The following PPP2R2B variants were observed in gnomAD, a reference collection of about 807,000 sequenced individuals.
The protein encoded by PPP2R2B is serine/threonine-protein phosphatase 2A 55 kDa regulatory subunit B beta isoform.
Under a neutral mutation model 46.0 loss-of-function variants are expected in PPP2R2B, and 5 were observed. That is an observed-to-expected ratio of 0.11 (90% confidence interval 0.06 to 0.23). The LOEUF (loss-of-function observed/expected upper bound fraction) is 0.23. Among genes scored for constraint, PPP2R2B ranks in the 10% least tolerant of loss-of-function variants. The pLI is 1.00. For synonymous variants in PPP2R2B, 215 were observed against 206.7 expected, an observed-to-expected ratio of 1.04 and a Z score of -0.34; for missense variants, 367 against 575.0, an observed-to-expected ratio of 0.64 and a Z score of 3.70.
At chr5:147,018,794 G>A (rs1755126162) in intron 1 of PPP2R2B, among the ~76,000 whole-genome samples, 1 of 152,108 alleles carries the variant, frequency 6.6e-6, no homozygotes. Context: ...AATATTTAGT[G>A]ATGTCCTCCT....
intron 1 of PPP2R2B, among the ~76,000 whole-genome samples, chr5:146,965,896 C>T (rs1752379543): frequency 2.0e-5 from 3 of 152,210 alleles, no homozygotes; most frequent in South Asian, 4.1e-4. Context: ...CTCGCTGATC[C>T]TCAGATCCTT....
intron 8 of PPP2R2B, among the ~76,000 whole-genome samples, chr5:146,593,413 A>G (rs908189917): frequency 1.3e-5 from 2 of 152,240 alleles, no homozygotes; most frequent in Non-Finnish European, 2.9e-5. Context: ...CTGAATACCT[A>G]CTACGCACTT....
rs1045637685 is a variant in PPP2R2B, at chr5:146,829,208, A to G, written c.70+48794T>C. Reference sequence around the variant, plus strand: ...TTAATGAATGATTCTTATGGGCCAAAGAACACCAACTCTTGTTTTTTAAAA... The same window carrying G: ...TTAATGAATGATTCTTATGGGCCAAGGAACACCAACTCTTGTTTTTTAAAA... On this transcript the variant is annotated intron_variant, in intron 2 of 9. Coordinates refer to ENST00000394411, the MANE Select transcript of PPP2R2B (RefSeq NM_181675.4). Among the ~76,000 whole-genome samples, 4 of 152,340 alleles carry G rather than the reference A, an allele frequency of 2.6e-5. No homozygotes were observed. In the East Asian group the frequency reaches 7.7e-4, roughly 29 times the overall value.
chr5:147,080,976 A>G, intron 2 of PPP2R2B: 1 of 1,326,228 alleles, frequency 7.5e-7, no homozygotes, highest in African/African-American at 1.5e-5. Flanking sequence ...TAGATTCATG[A>G]AAGTAAAGAT....
At chr5:146,850,614 A>C (rs900670760) in intron 2 of PPP2R2B, among the ~76,000 whole-genome samples, 1 of 152,052 alleles carries the variant, frequency 6.6e-6, no homozygotes, top group African/African-American at 2.4e-5. Context: ...CAACAGAGCT[A>C]ACTCTTATTA....
At chr5:146,608,377 A>G (rs1260501447) in intron 7 of PPP2R2B, among the ~76,000 whole-genome samples, 1 of 152,246 alleles carries the variant, frequency 6.6e-6, no homozygotes, top group Non-Finnish European at 1.5e-5. Context: ...GGGCTTCATC[A>G]TCTCCAGGTT....
At chr5:146,703,581 T>G (rs1423089433) in intron 2 of PPP2R2B, among the ~76,000 whole-genome samples, 1 of 152,170 alleles carries the variant, frequency 6.6e-6, no homozygotes, top group Admixed American at 6.5e-5. Flanking sequence ...CAGTGTGAGC[T>G]CTTGGCTCAG....
At chr5:146,960,339 G>C (rs145790384) in intron 1 of PPP2R2B, among the ~76,000 whole-genome samples, 1 of 152,016 alleles carries the variant, frequency 6.6e-6, no homozygotes, top group African/African-American at 2.4e-5. Flanking sequence ...ACCCAGGCTG[G>C]AGTGCAGTGG....
chr5:146,797,921 C>T (rs1756641074), intron 2 of PPP2R2B, among the ~76,000 whole-genome samples: 1 of 152,148 alleles, frequency 6.6e-6, no homozygotes, highest in Admixed American at 6.5e-5. Flanking sequence ...CCACAAGTGC[C>T]AGTAAGTGCC....
intron 1 of PPP2R2B, among the ~76,000 whole-genome samples, chr5:147,046,007 C>T (rs1048683105): frequency 2.6e-5 from 4 of 152,098 alleles, no homozygotes; most frequent in African/African-American, 9.7e-5. Context: ...TAGATCTTGT[C>T]CTAATGTCAT....
rs369404808 is a variant in PPP2R2B, at chr5:146,693,694, GA to G, written c.335-2455del. ...TCAGTTTCTTTATTTGTAAACTGGG[GA>G]AACAGTATCTTCCTCATGGGGCTCT... On this transcript the variant is annotated intron_variant, in intron 4 of 9. Transcript: ENST00000394411. 4.0e-3 allele frequency among the ~76,000 whole-genome samples: 603 copies of G among 152,282 alleles called. 4 individuals carry two copies. Among genetic ancestry groups the G allele is most frequent in the African/African-American group, 0.014 (569 of 41,562 alleles).
chr5:147,048,070 T>C (rs918785155), intron 1 of PPP2R2B, among the ~76,000 whole-genome samples: 1 of 152,204 alleles, frequency 6.6e-6, no homozygotes, highest in Non-Finnish European at 1.5e-5. Context: ...GTGGTAGAGA[T>C]AGCCCTGTGT....
intron 1 of PPP2R2B, among the ~76,000 whole-genome samples, chr5:146,927,737 CTTTT>C (rs1203303963): frequency 1.4e-5 from 2 of 142,488 alleles, no homozygotes; most frequent in Non-Finnish European, 3.1e-5. Context: ...ATACTTTCTT[CTTTT>C]TTTTTTTTTT....
chr5:147,051,811 G>A (rs1193005275), intron 1 of PPP2R2B, among the ~76,000 whole-genome samples: 1 of 128,388 alleles, frequency 7.8e-6, no homozygotes, highest in Non-Finnish European at 1.6e-5. Flanking sequence ...CGCCCAGGCT[G>A]GAGTGCAGTA....
At chr5:146,979,400 A>T (rs1753062510) in intron 1 of PPP2R2B, among the ~76,000 whole-genome samples, 4 of 152,196 alleles carry the variant, frequency 2.6e-5, no homozygotes, top group Admixed American at 2.0e-4. Context: ...TTCCACTAGA[A>T]TATAAACTCT....
chr5:146,593,149 T>C (rs1478691325), intron 8 of PPP2R2B, 87 bp from the exon 9 acceptor site: 4 of 1,124,776 alleles, frequency 3.6e-6, no homozygotes, highest in Non-Finnish European at 5.4e-6. Context: ...TGTGAGCTGT[T>C]AAATCTTTCA....
At chr5:146,767,995 G>A (rs1292695587) in intron 2 of PPP2R2B, among the ~76,000 whole-genome samples, 1 of 151,988 alleles carries the variant, frequency 6.6e-6, no homozygotes, top group Non-Finnish European at 1.5e-5. Context: ...GAGGTCCTCT[G>A]GGGAAAAATA....
chr5:146,967,244 C>A (rs1214512960), intron 1 of PPP2R2B, among the ~76,000 whole-genome samples: 1 of 152,304 alleles, frequency 6.6e-6, no homozygotes, highest in East Asian at 1.9e-4. Context: ...TTGTAAGAAG[C>A]CTTTCTCCCA....
At chr5:146,811,714 C>A (rs1217768726) in intron 2 of PPP2R2B, among the ~76,000 whole-genome samples, 6 of 150,642 alleles carry the variant, frequency 4.0e-5, no homozygotes, top group Non-Finnish European at 8.9e-5. Context: ...GCGCCCACCA[C>A]CACGCCCGGC....
Sources: allele counts gnomAD v4.1 joint callset (sites outside exome capture counted in the v4.1 genomes callset), GRCh38; gene constraint gnomAD v4.1.1; transcripts MANE v1.5; gene names NCBI Gene and HGNC (gene_info 2026-07-23, HGNC 2026-07-21).